IRAK3: variants seen among roughly 807,000 people sequenced by gnomAD.
The protein encoded by IRAK3 is interleukin-1 receptor-associated kinase 3.
In IRAK3, 57 loss-of-function variants were observed where a neutral mutation model predicts 56.6. The observed-to-expected ratio is 1.01, with a 90% CI of 0.81 to 1.26. IRAK3 has a LOEUF of 1.26. IRAK3 is among the 50% of genes most tolerant of loss of function. IRAK3 has a pLI of 0.00. For synonymous variants in IRAK3, 258 were observed against 255.7 expected, an observed-to-expected ratio of 1.01 and a Z score of -0.09; for missense variants, 703 against 719.0, an observed-to-expected ratio of 0.98 and a Z score of 0.25.
At chr12:66,233,847 A>G (rs1488565959) in intron 8 of IRAK3, among the ~76,000 whole-genome samples, 4 of 136,888 alleles carry the variant, frequency 2.9e-5, no homozygotes, top group Admixed American at 7.6e-5. Flanking sequence ...TTTTACTAAA[A>G]TAAACCTGTT....
At chr12:66,209,009 A>T (rs896244588) in intron 2 of IRAK3, among the ~76,000 whole-genome samples, 17 of 149,134 alleles carry the variant, frequency 1.1e-4, no homozygotes, top group Non-Finnish European at 2.1e-4. Flanking sequence ...GGAGGCAGAG[A>T]TTGCAATGAG....
rs2053055488 is a variant in IRAK3, at chr12:66,248,059, A to G, written c.1679A>G (p.Asn560Ser). 1.9e-6 allele frequency: 3 copies of G among 1,589,074 alleles called. No individual in the cohort carries two copies. In the South Asian group the frequency reaches 3.4e-5, roughly 18 times the overall value. The change falls in exon 12 of 12, where the codon AAT (asparagine) becomes AGT (serine). Residue 560 changes from asparagine (N) to serine (S), a missense_variant. Transcript: ENST00000261233. Reference sequence around the variant, plus strand: ...CAGGACTTAAGGCCCTATAAGGTAAATATAGATCCTTCTTCAGAAGCTCCA... The same window carrying G: ...CAGGACTTAAGGCCCTATAAGGTAAGTATAGATCCTTCTTCAGAAGCTCCA... ...PSQDLRPYKVNIDPSSEAPGH... is the reference protein window; with the variant it reads ...PSQDLRPYKVSIDPSSEAPGH...
rs1034271113 is a variant in IRAK3, at chr12:66,251,678, G to A, written c.*3507G>A. 6.6e-6 allele frequency: 1 copy of A among 152,172 alleles called. No homozygotes were observed. The highest frequency in any genetic ancestry group is 2.4e-5 in the African/African-American group (1 of 41,442). The allele number at this position is 152,172 out of a possible 1,614,324, so 9.4% of individuals were successfully genotyped here. A position where few individuals can be genotyped will look rare whatever the true frequency, so the allele number is the denominator to read the frequency against. The stretch of plus-strand genomic sequence containing the variant: ...CACTGCATAATATTGTAGTTTTATA[G>A]GGTGGCACATCACCCTGTGTAAAAC... On this transcript the variant is annotated 3_prime_UTR_variant, in exon 12 of 12. Transcript: ENST00000261233.
chr12:66,210,314 G>T, intron 4 of IRAK3, 113 bp downstream of exon 4: 1 of 671,488 alleles, frequency 1.5e-6, no homozygotes, highest in South Asian at 1.7e-5. Context: ...ATTCAAATTC[G>T]GTATAAAATT....
intron 1 of IRAK3, among the ~76,000 whole-genome samples, chr12:66,192,600 T>C (rs1003602626): frequency 2.6e-5 from 4 of 152,124 alleles, no homozygotes; most frequent in African/African-American, 9.7e-5. Flanking sequence ...TTTCTTCCTC[T>C]CAAGAAAGAA....
intron 8 of IRAK3, among the ~76,000 whole-genome samples, chr12:66,229,685 A>G (rs1288890645): frequency 1.3e-5 from 2 of 152,166 alleles, no homozygotes; most frequent in African/African-American, 4.8e-5. Context: ...ACCTGAATAT[A>G]GAGGGACCAT....
chr12:66,203,363 T>C (rs1303116860), intron 1 of IRAK3, among the ~76,000 whole-genome samples: 2 of 152,168 alleles, frequency 1.3e-5, no homozygotes, highest in Non-Finnish European at 2.9e-5. Flanking sequence ...AAGGAAAGAC[T>C]GAGGGACCAT....
intron 8 of IRAK3, among the ~76,000 whole-genome samples, chr12:66,229,025 A>G (rs1012336706): frequency 5.9e-5 from 9 of 152,232 alleles, no homozygotes; most frequent in African/African-American, 2.2e-4. Flanking sequence ...TGTGAAATGA[A>G]CCTGTATTTA....
rs2052534110 is a variant in IRAK3, at chr12:66,203,977, A to G, written c.316+84A>G. 5 of 1,181,344 alleles carry G rather than the reference A, an allele frequency of 4.2e-6. No individual in the cohort carries two copies. The East Asian group carries it at 1.2e-4, about 28-fold the overall frequency. 73.2% of individuals were successfully genotyped at this position (1,181,344 alleles called of 1,614,324 possible). A position where few individuals can be genotyped will look rare whatever the true frequency, so the allele number is the denominator to read the frequency against. On this transcript the variant is annotated intron_variant, in intron 2 of 11. Coordinates refer to ENST00000261233, the MANE Select transcript of IRAK3 (RefSeq NM_007199.3). ...ATTCGAATATTGCATTTTATCCAAGACATTGACTCATGCTCTGTGTCAGTG... is the reference window on the plus strand; with the variant it reads ...ATTCGAATATTGCATTTTATCCAAGGCATTGACTCATGCTCTGTGTCAGTG...
intron 11 of IRAK3, among the ~76,000 whole-genome samples, chr12:66,246,418 C>T (rs556168221): frequency 6.6e-6 from 1 of 152,274 alleles, no homozygotes; most frequent in East Asian, 1.9e-4. Flanking sequence ...CTGAGTCTAT[C>T]ATAGAGCCAT....
Position 66,244,977 on chromosome 12 carries a change from A to G in IRAK3, c.1116A>G (p.Arg372=). 1 of 1,613,172 alleles carries G rather than the reference A, an allele frequency of 6.2e-7. No individual in the cohort carries two copies. Among genetic ancestry groups the G allele is most frequent in the Non-Finnish European group, 8.5e-7 (1 of 1,179,090 alleles). The part of the protein sequence containing the change: ...IVIMEVLTGC[R]VVLDDPKHIQ... ...TAATGGAAGTTCTAACAGGATGTAG[A>G]GTAGTGTTAGATGATCCAAAACATA... is the stretch of plus-strand genomic sequence containing the variant. The change falls in exon 10 of 12, where the codon AGA becomes AGG. Residue 372 remains arginine, a synonymous_variant. Coordinates refer to ENST00000261233, the MANE Select transcript of IRAK3 (RefSeq NM_007199.3).
intron 2 of IRAK3, among the ~76,000 whole-genome samples, chr12:66,209,148 A>G (rs1289583732): frequency 1.3e-5 from 2 of 151,742 alleles, no homozygotes; most frequent in Non-Finnish European, 2.9e-5. Context: ...GTCTAACAAC[A>G]ATTTGTCTTA....
intron 8 of IRAK3, among the ~76,000 whole-genome samples, chr12:66,237,168 T>C (rs998169195): frequency 5.3e-5 from 8 of 152,132 alleles, no homozygotes; most frequent in African/African-American, 1.9e-4. Flanking sequence ...GGGGTGACAG[T>C]GCTCCACCTT....
intron 5 of IRAK3, among the ~76,000 whole-genome samples, chr12:66,214,989 G>A (rs1176964197): frequency 2.0e-5 from 3 of 152,142 alleles, no homozygotes; most frequent in Admixed American, 6.5e-5. Flanking sequence ...TTACCGTACC[G>A]TTTTAAAAAT....
chr12:66,226,944 G>A, intron 7 of IRAK3, 107 bp downstream of exon 7: 1 of 741,032 alleles, frequency 1.3e-6, no homozygotes. Flanking sequence ...TTGCATGAGG[G>A]GAAAGCCAAG....
intron 6 of IRAK3, among the ~76,000 whole-genome samples, chr12:66,222,426 T>C (rs1337129494): frequency 6.6e-6 from 1 of 152,152 alleles, no homozygotes; most frequent in African/African-American, 2.4e-5. Context: ...TAGGAATCCA[T>C]CTATTTCTTT....
chr12:66,190,538 C>G (rs1399142747), intron 1 of IRAK3, among the ~76,000 whole-genome samples: 3 of 152,182 alleles, frequency 2.0e-5, no homozygotes, highest in Non-Finnish European at 4.4e-5. Context: ...GAGTTACTGA[C>G]TTTGAGAAAG....
chr12:66,233,244 C>T (rs563275964), intron 8 of IRAK3, among the ~76,000 whole-genome samples: 1 of 152,226 alleles, frequency 6.6e-6, no homozygotes, highest in Admixed American at 6.5e-5. Context: ...ACAGGCCGGG[C>T]GCGGTGGCTC....
At chr12:66,210,340 T>C in intron 4 of IRAK3, 139 bp downstream of exon 4, 1 of 630,692 alleles carries the variant, frequency 1.6e-6, no homozygotes. Flanking sequence ...GATATTAAAA[T>C]AACTTCAATT....
Sources: allele counts gnomAD v4.1 joint callset (sites outside exome capture counted in the v4.1 genomes callset), GRCh38; gene constraint gnomAD v4.1.1; transcripts MANE v1.5; gene names NCBI Gene and HGNC (gene_info 2026-07-23, HGNC 2026-07-21).